The following GASK1A variants were observed in gnomAD, a reference collection of about 807,000 sequenced individuals.
The protein encoded by GASK1A is golgi associated kinase 1A.
In GASK1A, 40 loss-of-function variants were observed where a neutral mutation model predicts 41.2. The observed-to-expected ratio is 0.97, with a 90% CI of 0.75 to 1.27. GASK1A has a LOEUF of 1.27. GASK1A is among the 50% of genes most tolerant of loss of function. The pLI is 0.00. For synonymous variants in GASK1A, 316 were observed against 307.1 expected (o/e 1.03, Z -0.30); for missense variants, 678 against 745.1 (o/e 0.91, Z 1.05).
At chr3:43,044,722 A>AT (rs756030639) in intron 2 of GASK1A, among the ~76,000 whole-genome samples, 57 of 152,330 alleles carry the variant, frequency 3.7e-4, no homozygotes, top group Non-Finnish European at 7.5e-4. Context: ...GTTTAGAATG[A>AT]TTTTAGCACT....
chr3:43,013,000 T>C (rs2089471467), intron 1 of GASK1A, among the ~76,000 whole-genome samples: 1 of 145,540 alleles, frequency 6.9e-6, no homozygotes, highest in African/African-American at 2.6e-5. Flanking sequence ...CAGAAGGGGC[T>C]TTGTGAAGCC....
Position 43,056,223 on chromosome 3 carries a change from A to T in GASK1A, c.1565A>T (p.Asn522Ile), listed in dbSNP as rs750368293. 6 of 1,551,736 alleles carry T rather than the reference A, an allele frequency of 3.9e-6. No individual in the cohort carries two copies. The South Asian group carries it at 4.8e-5, about 12-fold the overall frequency. Residue 522 changes from asparagine (N) to isoleucine (I), a missense_variant, in exon 5 of 5, where the codon AAC becomes ATC. Transcript: ENST00000430121. Reference protein sequence around the residue: ...VKVLASGCLQNMLLKSLQMDP... With the variant: ...VKVLASGCLQIMLLKSLQMDP... ...GTTCTCGCATCAGGGTGTCTACAGA[A>T]CATGCTGCTGAAGTCGCTGCAGATG...
chr3:43,040,858 A>G (rs2089632856), intron 2 of GASK1A, among the ~76,000 whole-genome samples: 1 of 123,550 alleles, frequency 8.1e-6, no homozygotes, highest in Admixed American at 9.2e-5. Context: ...CGTTAGGTAT[A>G]TCTCCCAATG....
intron 2 of GASK1A, among the ~76,000 whole-genome samples, chr3:43,042,359 T>C (rs1019575255): frequency 1.6e-4 from 24 of 150,088 alleles, no homozygotes; most frequent in African/African-American, 5.6e-4. Flanking sequence ...GGCATGCACC[T>C]GTAGTCCCAG....
chr3:43,049,788 T>G (rs2089679813), intron 2 of GASK1A, among the ~76,000 whole-genome samples: 1 of 152,238 alleles, frequency 6.6e-6, no homozygotes, highest in Non-Finnish European at 1.5e-5. Flanking sequence ...GATTAGTTGG[T>G]GACTAGAACT....
intron 2 of GASK1A, among the ~76,000 whole-genome samples, chr3:43,039,574 T>A (rs1309239791): frequency 6.6e-6 from 1 of 152,134 alleles, no homozygotes; most frequent in Non-Finnish European, 1.5e-5. Context: ...GTTATACAGG[T>A]AAATTTTGTG....
intron 1 of GASK1A, among the ~76,000 whole-genome samples, chr3:43,026,401 G>A (rs1052931392): frequency 2.0e-5 from 3 of 152,208 alleles, no homozygotes; most frequent in East Asian, 1.9e-4. Flanking sequence ...CAGAGATACT[G>A]TGAGAAAAAA....
Position 43,053,553 on chromosome 3 carries a change from C to A in GASK1A, c.1323C>A (p.Gly441=). The change falls in exon 3 of 5, where the codon GGC becomes GGA. Residue 441 remains glycine (G), a synonymous_variant. Coordinates refer to ENST00000430121, the MANE Select transcript of GASK1A (RefSeq NM_001129908.3). ...VHDRLDRYCC[G]FEPEPSDPCV... ...ACCGCTTGGATCGCTACTGCTGTGG[C>A]TTCGAGCCTGAGCCCTCAGACCCCT... 1 of 1,551,540 alleles carries A rather than the reference C, an allele frequency of 6.4e-7. No homozygotes were observed. The highest frequency in any genetic ancestry group is 8.7e-7 in the Non-Finnish European group (1 of 1,146,886).
intron 1 of GASK1A, among the ~76,000 whole-genome samples, chr3:43,030,699 C>T (rs1160495486): frequency 6.6e-6 from 1 of 152,246 alleles, no homozygotes; most frequent in Admixed American, 6.5e-5. Context: ...TGATTTATCA[C>T]AAGCCCATGC....
At chr3:42,995,740 C>G (rs1184046307) in intron 1 of GASK1A, among the ~76,000 whole-genome samples, 2 of 152,188 alleles carry the variant, frequency 1.3e-5, no homozygotes, top group East Asian at 3.9e-4. Context: ...TGCTCCCCTC[C>G]CCTTCTTCTC....
At chr3:42,980,528 C>T (rs2089277573) in intron 1 of GASK1A, among the ~76,000 whole-genome samples, 1 of 152,174 alleles carries the variant, frequency 6.6e-6, no homozygotes, top group Admixed American at 6.5e-5. Context: ...GAAGGCAGAT[C>T]GGAACCCACT....
chr3:43,024,185 AAACC>A (rs2089535191), intron 1 of GASK1A, among the ~76,000 whole-genome samples: 1 of 152,190 alleles, frequency 6.6e-6, no homozygotes. Context: ...TTTCGTGTGC[AAACC>A]AACCAATTCT....
chr3:43,049,397 G>A (rs2089677885), intron 2 of GASK1A, among the ~76,000 whole-genome samples: 1 of 152,116 alleles, frequency 6.6e-6, no homozygotes, highest in Non-Finnish European at 1.5e-5. Context: ...TTTCAAATTT[G>A]CTGTTTGAAA....
chr3:42,993,691 C>T (rs2125674707), intron 1 of GASK1A, among the ~76,000 whole-genome samples: 1 of 152,236 alleles, frequency 6.6e-6, no homozygotes, highest in East Asian at 1.9e-4. Flanking sequence ...CCCCCTTTGC[C>T]TAAAAGCATC....
intron 1 of GASK1A, among the ~76,000 whole-genome samples, chr3:43,018,793 T>C (rs1392844588): frequency 1.3e-5 from 2 of 152,216 alleles, no homozygotes; most frequent in African/African-American, 4.8e-5. Flanking sequence ...TGATCAGTCC[T>C]GAACAGATAA....
At chr3:43,029,116 G>C (rs1229582280) in intron 1 of GASK1A, among the ~76,000 whole-genome samples, 1 of 152,104 alleles carries the variant, frequency 6.6e-6, no homozygotes, top group African/African-American at 2.4e-5. Flanking sequence ...GAGCTTAAGT[G>C]GTCCCTCCAG....
chr3:43,020,970 A>G (rs2089519478), intron 1 of GASK1A, among the ~76,000 whole-genome samples: 1 of 152,260 alleles, frequency 6.6e-6, no homozygotes, highest in South Asian at 2.1e-4. Context: ...GGGAACCCAG[A>G]ATTGTAAACA....
chr3:43,054,089 C>A (rs1233204416), intron 3 of GASK1A: 1 of 304,450 alleles, frequency 3.3e-6, no homozygotes, highest in Non-Finnish European at 6.5e-6. Flanking sequence ...GCTGGTGCTG[C>A]TCCTGTCAAA....
At chr3:42,983,865 A>T (rs1156713231) in intron 1 of GASK1A, among the ~76,000 whole-genome samples, 1 of 152,190 alleles carries the variant, frequency 6.6e-6, no homozygotes, top group Admixed American at 6.5e-5. Flanking sequence ...ACAGAGGTTG[A>T]TCCAAAAAAC....
Sources: allele counts gnomAD v4.1 joint callset (sites outside exome capture counted in the v4.1 genomes callset), GRCh38; gene constraint gnomAD v4.1.1; transcripts MANE v1.5; gene names NCBI Gene and HGNC (gene_info 2026-07-23, HGNC 2026-07-21).